SYT1: variants seen among roughly 807,000 people sequenced by gnomAD.
The protein encoded by SYT1 is synaptotagmin 1.
A neutral mutation model predicts 44.8 loss-of-function variants in SYT1; 8 were observed. The observed-to-expected ratio is 0.18, with a 90% confidence interval of 0.10 to 0.32. SYT1 has a LOEUF of 0.32. Ranked by LOEUF, SYT1 falls within the 10% of genes least tolerant of loss-of-function variation. SYT1 has a pLI of 1.00. For missense variants in SYT1, 286 were observed against 509.3 expected (o/e 0.56, Z 4.22); for synonymous variants, 154 against 188.8 (o/e 0.82, Z 1.51).
intron 3 of SYT1, among the ~76,000 whole-genome samples, chr12:79,214,140 T>C (rs1228405690): frequency 2.6e-5 from 4 of 152,204 alleles, no homozygotes; most frequent in African/African-American, 9.6e-5. Context: ...AATCCCTTAG[T>C]CTTTGTCAGT....
intron 8 of SYT1, among the ~76,000 whole-genome samples, chr12:79,301,348 G>C (rs888718038): frequency 2.0e-5 from 3 of 152,022 alleles, no homozygotes; most frequent in Non-Finnish European, 4.4e-5. Flanking sequence ...GTTTTTTTCT[G>C]AGCTAAGGGA....
intron 8 of SYT1, among the ~76,000 whole-genome samples, chr12:79,314,524 A>G (rs1045811302): frequency 3.9e-4 from 60 of 152,198 alleles, no homozygotes; most frequent in Non-Finnish European, 3.2e-4. Context: ...ACACCCCACA[A>G]AGGAACTCAA....
At chr12:79,111,978 A>G (rs557974290) in intron 3 of SYT1, among the ~76,000 whole-genome samples, 1 of 152,104 alleles carries the variant, frequency 6.6e-6, no homozygotes, top group African/African-American at 2.4e-5. Flanking sequence ...AATAATAGAT[A>G]CAATCTTTGC....
intron 1 of SYT1, among the ~76,000 whole-genome samples, chr12:78,969,717 A>G (rs967929038): frequency 2.6e-5 from 4 of 152,188 alleles, no homozygotes; most frequent in African/African-American, 9.7e-5. Flanking sequence ...CCAGGAAATA[A>G]AGGGCATTAT....
intron 1 of SYT1, among the ~76,000 whole-genome samples, chr12:78,913,556 G>A (rs2137135317): frequency 6.6e-6 from 1 of 151,752 alleles, no homozygotes; most frequent in East Asian, 1.9e-4. Context: ...CCTGTAATGA[G>A]GTCAGTGATT....
At chr12:79,192,074 C>T (rs1276644520) in intron 3 of SYT1, among the ~76,000 whole-genome samples, 2 of 152,050 alleles carry the variant, frequency 1.3e-5, no homozygotes, top group Admixed American at 6.6e-5. Flanking sequence ...TGTGTTAAAA[C>T]ATTAGGGGGA....
rs1203824503 is a variant in SYT1, at chr12:79,007,500, G to A, written c.-84+29569G>A. Among the ~76,000 whole-genome samples the A allele has an allele frequency of 4.6e-5, 7 of 152,224 alleles. No homozygotes were observed. In the South Asian group the frequency reaches 1.5e-3, roughly 32 times the overall value. On this transcript the variant is annotated intron_variant, in intron 2 of 10. Coordinates refer to ENST00000261205, the MANE Select transcript of SYT1 (RefSeq NM_005639.3). Reference sequence around the variant, plus strand: ...GCCTGGATCAGTCCTGACCAAAGCTGTTTAACCATCATGTGGTAATAACAG... The same window carrying A: ...GCCTGGATCAGTCCTGACCAAAGCTATTTAACCATCATGTGGTAATAACAG...
chr12:78,923,899 A>T (rs1401518141), intron 1 of SYT1, among the ~76,000 whole-genome samples: 4 of 151,930 alleles, frequency 2.6e-5, no homozygotes, highest in Non-Finnish European at 2.9e-5. Context: ...TTCAGATTTC[A>T]TAGGTTTCCC....
At chr12:79,151,326 G>T (rs1327596612) in intron 3 of SYT1, among the ~76,000 whole-genome samples, 1 of 152,134 alleles carries the variant, frequency 6.6e-6, no homozygotes, top group Non-Finnish European at 1.5e-5. Flanking sequence ...CACCTGCCAG[G>T]AAGAATGGGA....
chr12:79,291,984 A>C (rs766307717), intron 5 of SYT1, 24 bp from the exon 6 acceptor site: 149 of 1,612,882 alleles, frequency 9.2e-5, no homozygotes, highest in Admixed American at 2.5e-4. Context: ...TGAAATTCAC[A>C]TGTGATCCTT....
chr12:79,393,949 C>A (rs1182891323), intron 9 of SYT1: 2 of 152,194 alleles, frequency 1.3e-5, no homozygotes, highest in Admixed American at 6.5e-5. Context: ...GAAGACTGAG[C>A]AATTTCATCA....
At chr12:79,179,504 T>TAGATATAG (rs1565842419) in intron 3 of SYT1, among the ~76,000 whole-genome samples, 78 of 112,394 alleles carry the variant, frequency 6.9e-4, no homozygotes, top group East Asian at 1.2e-3. Flanking sequence ...TATATAGATA[T>TAGATATAG]AGATATAGAT....
At chr12:79,383,266 T>C (rs2136076952) in intron 9 of SYT1, among the ~76,000 whole-genome samples, 1 of 152,316 alleles carries the variant, frequency 6.6e-6, no homozygotes, top group East Asian at 1.9e-4. Flanking sequence ...ATTATTGTAC[T>C]GAATATTGTA....
chr12:79,267,595 T>C (rs1878201179), intron 4 of SYT1, among the ~76,000 whole-genome samples: 1 of 152,188 alleles, frequency 6.6e-6, no homozygotes, highest in Non-Finnish European at 1.5e-5. Context: ...ATACTGAAAA[T>C]TTCATAGGAT....
At chr12:79,012,228 A>G (rs1565761708) in intron 2 of SYT1, among the ~76,000 whole-genome samples, 2 of 151,974 alleles carry the variant, frequency 1.3e-5, no homozygotes, top group African/African-American at 4.8e-5. Flanking sequence ...TAGCGGTAAG[A>G]GGTCCAGACT....
intron 4 of SYT1, among the ~76,000 whole-genome samples, chr12:79,283,654 C>G (rs1228480235): frequency 1.3e-5 from 2 of 152,062 alleles, no homozygotes; most frequent in African/African-American, 4.8e-5. Flanking sequence ...AGGATTTTAA[C>G]TAAATCAATG....
intron 3 of SYT1, among the ~76,000 whole-genome samples, chr12:79,096,180 T>TG (rs1878118129): frequency 1.3e-5 from 2 of 151,980 alleles, no homozygotes; most frequent in African/African-American, 4.8e-5. Context: ...CTTTCTTTAA[T>TG]TCCCTTTTCC....
chr12:79,197,465 A>G (rs1483513158), intron 3 of SYT1, among the ~76,000 whole-genome samples: 2 of 152,190 alleles, frequency 1.3e-5, no homozygotes. Context: ...AATGTGAGAG[A>G]CAGGTCCCTC....
rs117859988 is a variant in SYT1, at chr12:79,322,593, C to A, written c.810+23042C>A. Reference sequence around the variant, plus strand: ...AATGTGCTATGGAAGCCATTGGAACCCAGCCCCGTATTTCTGAACCAAATT... The same window carrying A: ...AATGTGCTATGGAAGCCATTGGAACACAGCCCCGTATTTCTGAACCAAATT... On this transcript the variant is annotated intron_variant, in intron 8 of 10. Coordinates refer to ENST00000261205, the MANE Select transcript of SYT1 (RefSeq NM_005639.3). 9.9e-3 allele frequency among the ~76,000 whole-genome samples: 1,507 copies of A among 152,124 alleles called. 26 individuals are homozygous for A. The highest frequency in any genetic ancestry group is 0.033 in the African/African-American group (1,381 of 41,504).
Sources: allele counts gnomAD v4.1 joint callset (sites outside exome capture counted in the v4.1 genomes callset), GRCh38; gene constraint gnomAD v4.1.1; transcripts MANE v1.5; gene names NCBI Gene and HGNC (gene_info 2026-07-23, HGNC 2026-07-21).